LPAR3: variants seen among roughly 807,000 people sequenced by gnomAD.
LPAR3 encodes the protein lysophosphatidic acid receptor 3.
In LPAR3, 7 loss-of-function variants were observed where a neutral mutation model predicts 17.8. The ratio of observed to expected loss-of-function variants is 0.39; its 90% CI spans 0.22 to 0.74. The LOEUF (loss-of-function observed/expected upper bound fraction) is 0.74, where lower values mean the gene tolerates loss of function less well. LPAR3 is among the 30% of genes least tolerant of loss of function. The pLI is 0.40. For synonymous variants in LPAR3, 179 were observed against 179.9 expected, an observed-to-expected ratio of 0.99 and a Z score of 0.04; for missense variants, 391 against 453.4, an observed-to-expected ratio of 0.86 and a Z score of 1.25.
At position 84,865,373 on chromosome 1, in the gene LPAR3, C is replaced by T; in HGVS notation, c.736+12G>A. 1.3e-6 allele frequency: 2 copies of T among 1,595,760 alleles called. No homozygotes were observed. The highest frequency in any genetic ancestry group is 2.2e-5 in the East Asian group (1 of 44,676). Reference sequence around the variant, plus strand: ...AATGGGAATGATGGCTTGCTTGGGTCCTCTTACCTACCTAAGACAGTCATC... The same window carrying T: ...AATGGGAATGATGGCTTGCTTGGGTTCTCTTACCTACCTAAGACAGTCATC... On this transcript the variant is annotated intron_variant, in intron 2 of 2. Coordinates refer to ENST00000370611, the MANE Select transcript of LPAR3 (RefSeq NM_012152.3).
chr1:84,883,683 C>G (rs1460942315), intron 1 of LPAR3, among the ~76,000 whole-genome samples: 1 of 151,828 alleles, frequency 6.6e-6, no homozygotes, highest in African/African-American at 2.4e-5. Context: ...CTGATTCACC[C>G]TGACCAGCCC....
intron 2 of LPAR3, among the ~76,000 whole-genome samples, chr1:84,821,510 C>G (rs1411781557): frequency 1.3e-5 from 2 of 152,152 alleles, no homozygotes; most frequent in Non-Finnish European, 2.9e-5. Flanking sequence ...GAAGTCAACT[C>G]CAGTCTGCAT....
At chr1:84,860,104 A>G (rs950497779) in intron 2 of LPAR3, among the ~76,000 whole-genome samples, 42 of 152,322 alleles carry the variant, frequency 2.8e-4, no homozygotes, top group African/African-American at 9.6e-4. Context: ...ATTCTAACCC[A>G]GAAGTGAGCA....
intron 1 of LPAR3, among the ~76,000 whole-genome samples, chr1:84,870,927 C>A (rs1036838652): frequency 5.9e-5 from 9 of 152,190 alleles, no homozygotes; most frequent in African/African-American, 1.9e-4. Context: ...GATCAAATCA[C>A]ATTAAAAGAC....
At chr1:84,829,728 T>C (rs888186960) in intron 2 of LPAR3, among the ~76,000 whole-genome samples, 2 of 152,180 alleles carry the variant, frequency 1.3e-5, no homozygotes, top group Non-Finnish European at 2.9e-5. Flanking sequence ...AAACACTCTT[T>C]GGAAATGTTT....
chr1:84,890,968 G>A (rs751241496), intron 1 of LPAR3, among the ~76,000 whole-genome samples: 10 of 151,660 alleles, frequency 6.6e-5, no homozygotes, highest in South Asian at 4.1e-4. Flanking sequence ...CACTGTGCAC[G>A]TGTGTTTCTG....
chr1:84,839,800 C>G (rs527682734), intron 2 of LPAR3, among the ~76,000 whole-genome samples: 1 of 152,152 alleles, frequency 6.6e-6, no homozygotes, highest in Non-Finnish European at 1.5e-5. Flanking sequence ...ACTGTGTGAC[C>G]TGGGGTAACT....
At chr1:84,863,048 C>A (rs965700549) in intron 2 of LPAR3, among the ~76,000 whole-genome samples, 1 of 151,548 alleles carries the variant, frequency 6.6e-6, no homozygotes, top group African/African-American at 2.4e-5. Flanking sequence ...GGCTCACAAC[C>A]TTTCTCTCCT....
At chr1:84,863,899 C>A (rs1336571848) in intron 2 of LPAR3, among the ~76,000 whole-genome samples, 1 of 152,178 alleles carries the variant, frequency 6.6e-6, no homozygotes, top group Non-Finnish European at 1.5e-5. Context: ...CCTTACCCAT[C>A]AGTAAATCCT....
rs1658862610 is a variant in LPAR3 at position 84,813,485 on chromosome 1, C to T, written c.*361G>A. The T allele has an allele frequency of 5.0e-6, 1 of 198,844 alleles. No homozygotes were observed. The highest frequency in any genetic ancestry group is 1.1e-5 in the Non-Finnish European group (1 of 95,132). The allele number at this position is 198,844 out of a possible 1,614,324, so 12.3% of individuals were successfully genotyped here. ...CAGCTATATAAGGTGGCTCAAGTAA[C>T]ATTATGATTTATTTTGGTCTAAGCC... On this transcript the variant is annotated 3_prime_UTR_variant, in exon 3 of 3. Coordinates refer to ENST00000370611, the MANE Select transcript of LPAR3 (RefSeq NM_012152.3).
intron 2 of LPAR3, among the ~76,000 whole-genome samples, chr1:84,856,261 G>A (rs1659821729): frequency 6.6e-6 from 1 of 152,168 alleles, no homozygotes; most frequent in African/African-American, 2.4e-5. Flanking sequence ...CTGAGTACTG[G>A]TGCCTGGATG....
intron 1 of LPAR3, among the ~76,000 whole-genome samples, chr1:84,872,779 G>A (rs969702272): frequency 1.3e-4 from 20 of 152,152 alleles, no homozygotes; most frequent in African/African-American, 4.8e-4. Flanking sequence ...TGGGGCGGGC[G>A]GTGGGGGCAG....
chr1:84,886,159 T>C (rs1326056644), intron 1 of LPAR3, among the ~76,000 whole-genome samples: 1 of 152,188 alleles, frequency 6.6e-6, no homozygotes, highest in African/African-American at 2.4e-5. Flanking sequence ...TAACTGCAAC[T>C]TCGTACCTTT....
intron 2 of LPAR3, among the ~76,000 whole-genome samples, chr1:84,827,284 C>T (rs1659177780): frequency 6.6e-6 from 1 of 152,032 alleles, no homozygotes; most frequent in Non-Finnish European, 1.5e-5. Context: ...GATCATTTTC[C>T]CCTTCTCTCC....
intron 2 of LPAR3, among the ~76,000 whole-genome samples, chr1:84,819,740 G>A (rs910601064): frequency 2.0e-5 from 3 of 152,148 alleles, no homozygotes; most frequent in Non-Finnish European, 4.4e-5. Context: ...TACAGGCAAG[G>A]CATCCACAGT....
intron 2 of LPAR3, among the ~76,000 whole-genome samples, chr1:84,820,840 C>T (rs1659038653): frequency 6.6e-6 from 1 of 151,632 alleles, no homozygotes; most frequent in African/African-American, 2.4e-5. Flanking sequence ...ATAAAGGAAC[C>T]CCACTGAGAA....
At chr1:84,854,779 G>C (rs942685) in intron 2 of LPAR3, among the ~76,000 whole-genome samples, 151,914 of 152,376 alleles carry the variant, frequency 1, 75,726 homozygotes, top group Middle Eastern at 1. Flanking sequence ...TGAAAACAAC[G>C]CCTGTTGTGA....
At chr1:84,844,919 C>T (rs1659568582) in intron 2 of LPAR3, among the ~76,000 whole-genome samples, 1 of 152,212 alleles carries the variant, frequency 6.6e-6, no homozygotes, top group Non-Finnish European at 1.5e-5. Context: ...GGGGGACTTC[C>T]ACTTTCTAAA....
Position 84,888,525 on chromosome 1 carries a change from C to T in LPAR3, c.-19+4491G>A, listed in dbSNP as rs72942489. Among the ~76,000 whole-genome samples, 1,326 of 152,264 alleles carry T rather than the reference C, an allele frequency of 8.7e-3. 16 individuals carry two copies. The highest frequency in any genetic ancestry group is 0.027 in the African/African-American group (1,129 of 41,550). On this transcript the variant is annotated intron_variant, in intron 1 of 2. Transcript: ENST00000370611. ...GGGAGTGAATGCTGCTGATAGACTCCGCTGCCTATCTTTGAATTACATGGT... is the reference window on the plus strand; with the variant it reads ...GGGAGTGAATGCTGCTGATAGACTCTGCTGCCTATCTTTGAATTACATGGT...
Sources: gnomAD v4.1 joint callset for allele counts (sites outside exome capture counted in the v4.1 genomes callset) on GRCh38, gnomAD v4.1.1 for gene constraint, MANE v1.5 for transcripts, NCBI Gene and HGNC (gene_info 2026-07-23, HGNC 2026-07-21) for gene names.